NAALADL2: variants seen among roughly 807,000 people sequenced by gnomAD.
The protein encoded by NAALADL2 is N-acetylated alpha-linked acidic dipeptidase like 2, also known as inactive N-acetylated-alpha-linked acidic dipeptidase-like protein 2.
A neutral mutation model predicts 87.2 loss-of-function variants in NAALADL2; 76 were observed. That is an observed-to-expected ratio of 0.87 (90% CI 0.72 to 1.05). NAALADL2 has a LOEUF of 1.05. NAALADL2 is among the 50% of genes least tolerant of loss of function. The probability of loss-of-function intolerance (pLI) is 0.00; values close to 1 mark genes in which losing one functional copy is unlikely to be tolerated. For synonymous variants in NAALADL2, 354 were observed against 331.0 expected (o/e 1.07, Z -0.75); for missense variants, 1,089 against 945.8 (o/e 1.15, Z -1.99).
At chr3:175,362,222 CTA>C (rs571602488) in intron 5 of NAALADL2, among the ~76,000 whole-genome samples, 1 of 147,882 alleles carries the variant, frequency 6.8e-6, no homozygotes, top group Non-Finnish European at 1.5e-5. Flanking sequence ...TTCCATTGGT[CTA>C]TATCTCTGTT....
intron 1 of NAALADL2, among the ~76,000 whole-genome samples, chr3:175,049,825 T>C (rs1394239761): frequency 3.3e-5 from 5 of 152,180 alleles, no homozygotes; most frequent in South Asian, 2.1e-4. Context: ...AGAGAGAAAG[T>C]AGTTGAGAAA....
chr3:174,841,765 T>G (rs1724048622), intron 3 of NAALADL2, among the ~76,000 whole-genome samples: 1 of 152,222 alleles, frequency 6.6e-6, no homozygotes, highest in Non-Finnish European at 1.5e-5. Flanking sequence ...GGGTTCTTCT[T>G]AAACTTTAGT....
chr3:174,873,179 A>G (rs921731028), intron 1 of NAALADL2, among the ~76,000 whole-genome samples: 1 of 149,498 alleles, frequency 6.7e-6, no homozygotes, highest in African/African-American at 2.5e-5. Context: ...GAATTAAACT[A>G]AAACTCACTC....
intron 11 of NAALADL2, among the ~76,000 whole-genome samples, chr3:175,713,388 C>A (rs887649446): frequency 2.6e-5 from 4 of 152,046 alleles, no homozygotes; most frequent in African/African-American, 9.7e-5. Context: ...TCATGACAGT[C>A]TGTGGTGATT....
intron 3 of NAALADL2, among the ~76,000 whole-genome samples, chr3:174,747,898 CAT>C (rs1412578559): frequency 4.6e-5 from 7 of 152,126 alleles, no homozygotes; most frequent in African/African-American, 1.4e-4. Context: ...ACAGCAAAGA[CAT>C]AGACTCAACC....
intron 1 of NAALADL2, among the ~76,000 whole-genome samples, chr3:174,955,453 G>C (rs934573453): frequency 6.6e-6 from 1 of 151,988 alleles, no homozygotes; most frequent in Non-Finnish European, 1.5e-5. Flanking sequence ...GCAGTGAAAG[G>C]TTTTAGGATC....
intron 11 of NAALADL2, among the ~76,000 whole-genome samples, chr3:175,705,863 T>C (rs1309409900): frequency 1.3e-5 from 2 of 152,102 alleles, no homozygotes; most frequent in African/African-American, 2.4e-5. Flanking sequence ...GGGCTCAACA[T>C]TAAACTCAAA....
intron 5 of NAALADL2, among the ~76,000 whole-genome samples, chr3:175,358,805 G>A (rs538502507): frequency 9.9e-5 from 15 of 152,144 alleles, no homozygotes; most frequent in African/African-American, 3.6e-4. Context: ...ATGAAGATTT[G>A]AGCACAATGC....
chr3:174,838,154 T>G (rs1723583466), intron 3 of NAALADL2, among the ~76,000 whole-genome samples: 1 of 151,646 alleles, frequency 6.6e-6, no homozygotes, highest in East Asian at 1.9e-4. Context: ...CGTGATCAAG[T>G]GGGTTTCATA....
At chr3:174,558,025 T>C (rs1312075620) in intron 2 of NAALADL2, among the ~76,000 whole-genome samples, 1 of 152,204 alleles carries the variant, frequency 6.6e-6, no homozygotes, top group Non-Finnish European at 1.5e-5. Flanking sequence ...CTGCCTGGCA[T>C]GTACCAAAAT....
chr3:174,646,447 A>T (rs1723788226), intron 2 of NAALADL2, among the ~76,000 whole-genome samples: 1 of 152,182 alleles, frequency 6.6e-6, no homozygotes, highest in Non-Finnish European at 1.5e-5. Context: ...AAGCTAGGGC[A>T]TGGCTATGTG....
intron 3 of NAALADL2, among the ~76,000 whole-genome samples, chr3:174,741,883 T>G (rs1336541761): frequency 6.6e-6 from 1 of 151,790 alleles, no homozygotes; most frequent in Non-Finnish European, 1.5e-5. Context: ...AATAAATCTG[T>G]AATATTTCAT....
At chr3:174,993,134 T>C (rs1450303254) in intron 1 of NAALADL2, among the ~76,000 whole-genome samples, 1 of 152,100 alleles carries the variant, frequency 6.6e-6, no homozygotes, top group African/African-American at 2.4e-5. Flanking sequence ...AACAAACTTA[T>C]TTTGGAAAAT....
chr3:175,466,855 TTAA>T (rs1724117065), intron 7 of NAALADL2, 121 bp from the exon 8 acceptor site: 19 of 789,878 alleles, frequency 2.4e-5, no homozygotes, highest in Middle Eastern at 2.5e-4. Context: ...TAAAGTAGTC[TTAA>T]TTATTAGAGC....
At chr3:175,043,393 G>A (rs774714747) in intron 1 of NAALADL2, among the ~76,000 whole-genome samples, 8 of 151,806 alleles carry the variant, frequency 5.3e-5, no homozygotes, top group Non-Finnish European at 5.9e-5. Context: ...CACGCGCCAC[G>A]ATGCCTGGCT....
intron 1 of NAALADL2, among the ~76,000 whole-genome samples, chr3:174,509,162 A>G (rs1168111610): frequency 2.0e-5 from 3 of 151,462 alleles, no homozygotes; most frequent in African/African-American, 7.3e-5. Context: ...ACAATATTGA[A>G]TATATAAGTG....
chr3:174,833,872 A>G (rs1262506858), intron 3 of NAALADL2, among the ~76,000 whole-genome samples: 2 of 150,882 alleles, frequency 1.3e-5, no homozygotes, highest in East Asian at 2.0e-4. Flanking sequence ...CATATTGAAT[A>G]TCACACCAAA....
chr3:174,759,289 AAT>A (rs1212060208), intron 3 of NAALADL2, among the ~76,000 whole-genome samples: 1 of 152,144 alleles, frequency 6.6e-6, no homozygotes, highest in African/African-American at 2.4e-5. Flanking sequence ...TTTAGATAGG[AAT>A]AAAAAATCAT....
chr3:174,843,862 T>TA (rs931467553), intron 3 of NAALADL2, among the ~76,000 whole-genome samples: 22 of 151,866 alleles, frequency 1.4e-4, no homozygotes, highest in South Asian at 1.2e-3. Context: ...TTTGCTGATT[T>TA]AAAAAAAAAT....
Sources: allele counts gnomAD v4.1 joint callset (sites outside exome capture counted in the v4.1 genomes callset), GRCh38; gene constraint gnomAD v4.1.1; transcripts MANE v1.5; gene names NCBI Gene and HGNC (gene_info 2026-07-23, HGNC 2026-07-21).